Variants in MDN1 observed in about 807,000 individuals in gnomAD.
MDN1 encodes the protein midasin.
A neutral mutation model predicts 669.2 loss-of-function variants in MDN1; 266 were observed. The ratio of observed to expected loss-of-function variants is 0.40; its 90% CI spans 0.36 to 0.44. The LOEUF (loss-of-function observed/expected upper bound fraction) is 0.44, where lower values mean the gene tolerates loss of function less well. MDN1 is among the 20% of genes least tolerant of loss of function. The pLI, the probability that MDN1 is intolerant of heterozygous loss-of-function variation, is 1.00. For missense variants in MDN1, 5,940 were observed against 6,754.0 expected (o/e 0.88, Z 4.22); for synonymous variants, 2,385 against 2,457.1 (o/e 0.97, Z 0.87).
At chr6:89,766,260 C>G (rs927107608) in intron 15 of MDN1, among the ~76,000 whole-genome samples, 2 of 151,712 alleles carry the variant, frequency 1.3e-5, no homozygotes, top group Admixed American at 1.3e-4. Context: ...GATCACGCTG[C>G]TGCACTCCAG....
At chr6:89,692,383 G>A in intron 63 of MDN1, 60 bp downstream of exon 63, 4 of 1,487,816 alleles carry the variant, frequency 2.7e-6, no homozygotes, top group Non-Finnish European at 3.6e-6. Flanking sequence ...AGGCCGCCCT[G>A]CTGTGAACCT....
At position 89,672,623 on chromosome 6, in the gene MDN1, G is replaced by A; in HGVS notation, c.13554C>T (p.Ala4518=). Residue 4518 remains alanine (A), a synonymous_variant, in exon 81 of 102, where the codon GCC becomes GCT. Coordinates refer to ENST00000369393, the MANE Select transcript of MDN1 (RefSeq NM_014611.3). ...TCTTTCTTTCTTCTAAGTTCTGGAT[G>A]GCACAGAGGATGGCTCGGATGGCAA... ...MEIAIRAILC[A]IQNLEERKNE... 6.2e-7 allele frequency: 1 copy of A among 1,614,072 alleles called. No homozygotes were observed. The highest frequency in any genetic ancestry group is 8.5e-7 in the Non-Finnish European group (1 of 1,180,010).
At chr6:89,817,247 A>C (rs1419119284) in intron 1 of MDN1, among the ~76,000 whole-genome samples, 1 of 152,252 alleles carries the variant, frequency 6.6e-6, no homozygotes, top group Non-Finnish European at 1.5e-5. Context: ...GGGCTGTGTC[A>C]TGAGCCATGG....
At chr6:89,804,971 A>G (rs1767918049) in intron 1 of MDN1, among the ~76,000 whole-genome samples, 1 of 134,908 alleles carries the variant, frequency 7.4e-6, no homozygotes. Context: ...CGGGAGGCGG[A>G]GCCTGTAGTG....
At chr6:89,753,418 A>G (rs1022790821) in intron 22 of MDN1, 94 bp downstream of exon 22, 5 of 932,198 alleles carry the variant, frequency 5.4e-6, no homozygotes, top group Non-Finnish European at 6.6e-6. Context: ...CTTTATAATT[A>G]AAAAGTTATG....
In MDN1 at chr6:89,701,597, C is replaced by T; in HGVS notation, c.8388G>A (p.Lys2796=). Residue 2796 remains lysine, a synonymous_variant, in exon 55 of 102, where the codon AAG becomes AAA. Coordinates refer to ENST00000369393, the MANE Select transcript of MDN1 (RefSeq NM_014611.3). ...GTCGTCCCAGGAACTTCTGCAACTT[C>T]TTTATACCAGCGAAGCCACCAGTCT... ...GSQTGGFAGI[K]KLQKFLGRPF... The T allele has an allele frequency of 6.2e-7, 1 of 1,614,182 alleles. No homozygotes were observed. Among genetic ancestry groups the T allele is most frequent in the Non-Finnish European group, 8.5e-7 (1 of 1,180,018 alleles).
rs1278226468 is a variant in MDN1, at chr6:89,688,715, A to G, written c.11117T>C (p.Met3706Thr). The change falls in exon 66 of 102, where the codon ATG becomes ACG. Residue 3706 changes from methionine to threonine, a missense_variant. Physicochemically the swap from Met to Thr is moderately conservative, Grantham distance 81 (BLOSUM62 -1). Transcript: ENST00000369393. ...GTCATAGGGCCCATCAGGTTTCACCATCAGGTCTGAGGGTGCCTCCCCAAA... is the reference window on the plus strand; with the variant it reads ...GTCATAGGGCCCATCAGGTTTCACCGTCAGGTCTGAGGGTGCCTCCCCAAA... ...TLFGEAPSDL[M>T]VKPDGPYDFY... is the part of the protein sequence containing the mutation. 1.9e-6 allele frequency: 3 copies of G among 1,614,078 alleles called. No individual in the cohort carries two copies. In the African/African-American group the frequency reaches 4.0e-5, roughly 22 times the overall value.
chr6:89,718,020 C>T (rs1814524477), intron 43 of MDN1, among the ~76,000 whole-genome samples: 1 of 152,178 alleles, frequency 6.6e-6, no homozygotes, highest in Admixed American at 6.5e-5. Flanking sequence ...TGAATTCAGA[C>T]TCCTATTCTT....
intron 27 of MDN1, 118 bp from the exon 28 acceptor site, chr6:89,745,744 T>G (rs1816576830): frequency 1.0e-6 from 1 of 980,596 alleles, no homozygotes; most frequent in Non-Finnish European, 1.5e-6. Flanking sequence ...GAGGTAGAAA[T>G]CTGAAGAACT....
intron 59 of MDN1, among the ~76,000 whole-genome samples, chr6:89,698,238 A>C (rs1054702299): frequency 2.0e-5 from 3 of 152,216 alleles, no homozygotes; most frequent in Non-Finnish European, 2.9e-5. Context: ...AGACACTCTG[A>C]CCAAGGATTC....
At chr6:89,775,540 C>T (rs1040704212) in intron 12 of MDN1, among the ~76,000 whole-genome samples, 1 of 152,140 alleles carries the variant, frequency 6.6e-6, no homozygotes, top group Non-Finnish European at 1.5e-5. Context: ...ACACCAGTGC[C>T]ACTGCTGAAA....
Position 89,803,483 on chromosome 6 carries a change from A to T in MDN1, c.174T>A (p.Thr58=). The change falls in exon 2 of 102, where the codon ACT becomes ACA. Residue 58 remains threonine (T), a synonymous_variant. Transcript: ENST00000369393. ...LAQLLLDKDC[T]VLVGRQLRPL... is the part of the protein sequence containing the mutation. ...GGCGAAGCTGGCGACCAACCAGCACAGTACAGTCCTTATCCAAAAGCAACT... is the reference window on the plus strand; with the variant it reads ...GGCGAAGCTGGCGACCAACCAGCACTGTACAGTCCTTATCCAAAAGCAACT... The T allele has an allele frequency of 6.2e-7, 1 of 1,614,214 alleles. No homozygotes were observed. The highest frequency in any genetic ancestry group is 1.1e-5 in the South Asian group (1 of 91,088).
chr6:89,724,729 T>A (rs574932625), intron 38 of MDN1, among the ~76,000 whole-genome samples: 1 of 152,194 alleles, frequency 6.6e-6, no homozygotes, highest in Non-Finnish European at 1.5e-5. Context: ...CATACACAGG[T>A]ACCCCTCTGC....
At chr6:89,680,877 G>A in intron 73 of MDN1, 126 bp from the exon 74 acceptor site, 1 of 1,004,898 alleles carries the variant, frequency 1.0e-6, no homozygotes, top group Admixed American at 2.9e-5. Context: ...AACAAATGTA[G>A]CATCACTAAA....
intron 73 of MDN1, among the ~76,000 whole-genome samples, chr6:89,682,307 A>G (rs1322408347): frequency 1.3e-5 from 2 of 152,216 alleles, no homozygotes; most frequent in African/African-American, 4.8e-5. Context: ...TAAAAGCACA[A>G]TTATTTCTCA....
chr6:89,804,547 G>GA (rs1767887462), intron 1 of MDN1, among the ~76,000 whole-genome samples: 1 of 151,976 alleles, frequency 6.6e-6, no homozygotes, highest in Non-Finnish European at 1.5e-5. Context: ...AACTCTTGAA[G>GA]AAAAAAATGA....
rs766972021 is a variant in MDN1, at chr6:89,756,395, A to G, written c.2703-5T>C. ...TCTACATAAAGTTCTGTGAACCTGT[A>G]AAACAATACATAATAAACACTTTTT... On this transcript the variant is annotated splice_polypyrimidine_tract_variant and splice_region_variant and intron_variant, in intron 19 of 101. Transcript: ENST00000369393. The G allele has an allele frequency of 1.5e-5, 20 of 1,360,798 alleles. 1 individual carries two copies. The highest frequency in any genetic ancestry group is 7.5e-5 in the South Asian group (6 of 79,798). 84.3% of individuals were successfully genotyped at this position (1,360,798 alleles called of 1,614,324 possible). A position where few individuals can be genotyped will look rare whatever the true frequency, so the allele number is the denominator to read the frequency against.
chr6:89,790,207 C>T lies in MDN1; in HGVS notation c.1050G>A (p.Lys350=), dbSNP rs1052390442. 2 of 1,614,136 alleles carry T rather than the reference C, an allele frequency of 1.2e-6. No individual in the cohort carries two copies. Among genetic ancestry groups the T allele is most frequent in the Non-Finnish European group, 1.7e-6 (2 of 1,180,022 alleles). The change falls in exon 6 of 102, where the codon AAG becomes AAA. Residue 350 remains lysine (K), a synonymous_variant. Coordinates refer to ENST00000369393, the MANE Select transcript of MDN1 (RefSeq NM_014611.3). ...EYLAAVTGRT[K]PPQLLKVQLG... is the part of the protein sequence containing the mutation. Reference sequence around the variant, plus strand: ...GCTGGACTTTGAGAAGCTGAGGAGGCTTTGTTCTACCTGTCACTGCAGCTA... The same window carrying T: ...GCTGGACTTTGAGAAGCTGAGGAGGTTTTGTTCTACCTGTCACTGCAGCTA...
chr6:89,684,235 C>T (rs6926574), intron 71 of MDN1, among the ~76,000 whole-genome samples: 121,800 of 151,912 alleles, frequency 0.8, 49,006 homozygotes, highest in East Asian at 0.95. Context: ...CCCAGCTACT[C>T]GGGAGGCTGA....
Sources: allele counts gnomAD v4.1 joint callset (sites outside exome capture counted in the v4.1 genomes callset), GRCh38; gene constraint gnomAD v4.1.1; transcripts MANE v1.5; gene names NCBI Gene and HGNC (gene_info 2026-07-23, HGNC 2026-07-21).